Variants in WDR17 observed in about 807,000 individuals in gnomAD.
WDR17 encodes WD repeat domain 17, also known as WD repeat-containing protein 17.
WDR17 carries 143 observed loss-of-function variants against 161.7 expected under a neutral mutation model. The ratio of observed to expected loss-of-function variants is 0.88; its 90% confidence interval spans 0.77 to 1.02. The LOEUF is 1.02. WDR17 is among the 50% of genes least tolerant of loss of function. The pLI is 0.00. For synonymous variants in WDR17, 517 were observed against 515.6 expected (o/e 1.00, Z -0.04); for missense variants, 1,469 against 1,520.9 (o/e 0.97, Z 0.57).
intron 10 of WDR17, among the ~76,000 whole-genome samples, chr4:176,141,261 T>G (rs1745211161): frequency 6.6e-6 from 1 of 152,198 alleles, no homozygotes; most frequent in Non-Finnish European, 1.5e-5. Context: ...AAGTTATAAC[T>G]TAATGTCTTG....
chr4:176,085,920 A>C (rs1418353484), intron 1 of WDR17, among the ~76,000 whole-genome samples: 1 of 152,012 alleles, frequency 6.6e-6, no homozygotes, highest in African/African-American at 2.4e-5. Context: ...ACTAGAAAGA[A>C]GTGAAATATA....
At chr4:176,109,101 T>C (rs1739289518) in intron 1 of WDR17, among the ~76,000 whole-genome samples, 1 of 152,212 alleles carries the variant, frequency 6.6e-6, no homozygotes, top group Admixed American at 6.5e-5. Flanking sequence ...AATAACTTCA[T>C]TTTAAATGTG....
chr4:176,075,751 G>A (rs11133129), intron 1 of WDR17, among the ~76,000 whole-genome samples: 79,479 of 151,852 alleles, frequency 0.52, 22,188 homozygotes, highest in South Asian at 0.63. Flanking sequence ...AGGCAGGAGG[G>A]TCACTTGAGG....
In WDR17 at chr4:176,148,177, T is replaced by C. The variant is rs1325920256; in HGVS notation, c.1739T>C (p.Ile580Thr). 6.2e-7 allele frequency: 1 copy of C among 1,613,884 alleles called. No homozygotes were observed. Among genetic ancestry groups the C allele is most frequent in the East Asian group, 2.2e-5 (1 of 44,852 alleles). The change falls in exon 13 of 29, where the codon ATT becomes ACT. Residue 580 changes from isoleucine (I) to threonine (T), a missense_variant. Coordinates refer to ENST00000508596, the MANE Select transcript of WDR17 (RefSeq NM_181265.4). ...WDYTQDACIN[I>T]LNGHTAPVRG... ...TATACTCAGGATGCTTGCATCAATA[T>C]TCTTAATGGACACACTGCACCTGTG...
chr4:176,128,663 G>T, intron 5 of WDR17, 75 bp from the exon 6 acceptor site: 1 of 1,453,566 alleles, frequency 6.9e-7, no homozygotes. Flanking sequence ...TTGAAATTTT[G>T]TTATACTTTT....
At chr4:176,143,507 A>G (rs542335332) in intron 11 of WDR17, among the ~76,000 whole-genome samples, 1 of 151,622 alleles carries the variant, frequency 6.6e-6, no homozygotes, top group South Asian at 2.1e-4. Context: ...CTTAAAAAAA[A>G]AAAAAAAATG....
intron 23 of WDR17, among the ~76,000 whole-genome samples, chr4:176,169,746 A>G (rs1453904124): frequency 1.3e-5 from 2 of 152,184 alleles, no homozygotes; most frequent in East Asian, 1.9e-4. Flanking sequence ...GTGAATGACA[A>G]CGTGTGGGTG....
intron 1 of WDR17, among the ~76,000 whole-genome samples, chr4:176,074,302 A>C (rs1042697187): frequency 6.1e-4 from 93 of 152,052 alleles, no homozygotes; most frequent in African/African-American, 2.1e-3. Context: ...GAGCTCTGTC[A>C]CCAGAACACC....
intron 25 of WDR17, 78 bp downstream of exon 25, chr4:176,173,447 G>A (rs1349868520): frequency 1.1e-6 from 1 of 904,620 alleles, no homozygotes; most frequent in Non-Finnish European, 1.7e-6. Context: ...TTGGTATTCA[G>A]ATCGGGAAAT....
intron 15 of WDR17, 21 bp from the exon 16 acceptor site, chr4:176,150,447 T>A: frequency 6.3e-7 from 1 of 1,587,132 alleles, no homozygotes; most frequent in South Asian, 1.2e-5. Flanking sequence ...ATTCCATATT[T>A]ATTTTTTGTC....
chr4:176,130,719 C>T (rs12501440), intron 6 of WDR17, among the ~76,000 whole-genome samples: 6,186 of 144,604 alleles, frequency 0.043, 160 homozygotes, highest in East Asian at 0.13. Context: ...CACTCCAGCC[C>T]GGGCAACAGA....
chr4:176,115,784 A>G lies in WDR17; in HGVS notation c.124-12A>G, dbSNP rs540925811. The G allele has an allele frequency of 8.3e-6, 13 of 1,563,026 alleles. No individual in the cohort carries two copies. Among genetic ancestry groups the G allele is most frequent in the East Asian group, 2.3e-5 (1 of 43,016 alleles). The stretch of plus-strand genomic sequence containing the variant: ...GAGCACTAAAATATTTTATTTATAT[A>G]TTTTGTTTTAGTTGGATCACCGTTA... On this transcript the variant is annotated splice_polypyrimidine_tract_variant and intron_variant, in intron 2 of 28. Coordinates refer to ENST00000508596, the MANE Select transcript of WDR17 (RefSeq NM_181265.4).
intron 3 of WDR17, among the ~76,000 whole-genome samples, chr4:176,119,272 T>G (rs1741162018): frequency 6.6e-6 from 1 of 152,194 alleles, no homozygotes; most frequent in African/African-American, 2.4e-5. Flanking sequence ...CAGCTATTTT[T>G]ATTGTTATCT....
chr4:176,113,033 C>G (rs1192211381), intron 2 of WDR17, among the ~76,000 whole-genome samples: 2 of 152,060 alleles, frequency 1.3e-5, no homozygotes, highest in Non-Finnish European at 2.9e-5. Flanking sequence ...TTTCTTAAGA[C>G]TGTAGAAATA....
At chr4:176,145,469 A>G (rs1746015478) in intron 11 of WDR17, among the ~76,000 whole-genome samples, 1 of 152,226 alleles carries the variant, frequency 6.6e-6, no homozygotes, top group Non-Finnish European at 1.5e-5. Context: ...TTCCTGTCCA[A>G]TCAGACAACC....
intron 6 of WDR17, among the ~76,000 whole-genome samples, chr4:176,129,964 C>G (rs1234434340): frequency 7.2e-6 from 1 of 138,674 alleles, no homozygotes; most frequent in Non-Finnish European, 1.6e-5. Flanking sequence ...TCTTTTCTTT[C>G]ATTTTTTTTC....
intron 25 of WDR17, among the ~76,000 whole-genome samples, chr4:176,174,296 G>A (rs1751157046): frequency 6.6e-6 from 1 of 152,004 alleles, no homozygotes; most frequent in Non-Finnish European, 1.5e-5. Context: ...GGTATTCCAG[G>A]ACTCCCTCCA....
At chr4:176,071,511 C>T (rs1578972435) in intron 1 of WDR17, among the ~76,000 whole-genome samples, 3 of 151,980 alleles carry the variant, frequency 2.0e-5, no homozygotes, top group South Asian at 4.1e-4. Context: ...TTAGTAGAGA[C>T]GGGGTTTCAC....
At chr4:176,126,321 C>T (rs35851588) in intron 5 of WDR17, among the ~76,000 whole-genome samples, 37,532 of 152,022 alleles carry the variant, frequency 0.25, 4,773 homozygotes, top group South Asian at 0.28. Context: ...AAATGACTCT[C>T]TACTTTTACC....
Sources: allele counts gnomAD v4.1 joint callset (sites outside exome capture counted in the v4.1 genomes callset), GRCh38; gene constraint gnomAD v4.1.1; transcripts MANE v1.5; gene names NCBI Gene and HGNC (gene_info 2026-07-23, HGNC 2026-07-21).